HEMK2: variants seen among roughly 807,000 people sequenced by gnomAD.
The protein encoded by HEMK2 is methyltransferase HEMK2.
chr21:28,643,212 G>A, the HEMK2 span, among the ~76,000 whole-genome samples: 1,055 of 152,282 alleles, frequency 6.9e-3, 47 homozygotes, highest in Admixed American at 0.063. Context: ...GAATGTTTGC[G>A]TACCTTCAAA....
At chr21:28,602,910 T>G in the HEMK2 span, among the ~76,000 whole-genome samples, 2 of 152,192 alleles carry the variant, frequency 1.3e-5, no homozygotes, top group African/African-American at 4.8e-5. Context: ...TAGACCTCCT[T>G]GTATCCCTTT....
the HEMK2 span, among the ~76,000 whole-genome samples, chr21:28,863,408 TTTTATATATATATATATATATA>T: frequency 3.0e-5 from 2 of 65,814 alleles, no homozygotes; most frequent in Non-Finnish European, 4.9e-5. Flanking sequence ...ATAAACTCCC[TTTTATATATATATATATATATA>T]TATATATATA....
chr21:28,626,771 A>G, the HEMK2 span: 1 of 152,248 alleles, frequency 6.6e-6, no homozygotes, highest in Non-Finnish European at 1.5e-5. Flanking sequence ...GCCAACAAGT[A>G]CATGAAAAGA....
chr21:28,650,590 G>A, the HEMK2 span, among the ~76,000 whole-genome samples: 1 of 152,134 alleles, frequency 6.6e-6, no homozygotes, highest in Non-Finnish European at 1.5e-5. Flanking sequence ...GGCAATGGGG[G>A]AATGGAAGTA....
the HEMK2 span, among the ~76,000 whole-genome samples, chr21:28,831,574 A>AGAAAGAAG: frequency 3.4e-4 from 14 of 40,856 alleles, no homozygotes; most frequent in South Asian, 6.9e-4. Context: ...AAGGAAAGAA[A>AGAAAGAAG]GAAAGAAGGA....
At chr21:28,647,868 A>C in the HEMK2 span, among the ~76,000 whole-genome samples, 1 of 152,240 alleles carries the variant, frequency 6.6e-6, no homozygotes, top group Non-Finnish European at 1.5e-5. Context: ...GGGCAAGAAC[A>C]AGAGGGAGTG....
the HEMK2 span, chr21:28,882,206 G>A: frequency 3.7e-6 from 6 of 1,603,810 alleles, no homozygotes; most frequent in African/African-American, 6.7e-5. Context: ...ACAGCGTGCT[G>A]TCTCTAGGGT....
the HEMK2 span, among the ~76,000 whole-genome samples, chr21:28,699,262 A>G: frequency 1.3e-5 from 2 of 152,234 alleles, no homozygotes; most frequent in Non-Finnish European, 2.9e-5. Flanking sequence ...TTTATAAACA[A>G]CAGAACTTAT....
the HEMK2 span, among the ~76,000 whole-genome samples, chr21:28,841,269 AT>A: frequency 4.3e-4 from 2 of 4,644 alleles, 1 homozygote; most frequent in African/African-American, 3.2e-3. Flanking sequence ...TATAATATAT[AT>A]TATATATTAT....
chr21:28,623,849 G>A, the HEMK2 span, among the ~76,000 whole-genome samples: 1 of 152,152 alleles, frequency 6.6e-6, no homozygotes, highest in African/African-American at 2.4e-5. Flanking sequence ...TAAGGGGCTA[G>A]GAGAGGGATA....
the HEMK2 span, among the ~76,000 whole-genome samples, chr21:28,704,411 T>A: frequency 6.6e-6 from 1 of 152,130 alleles, no homozygotes; most frequent in East Asian, 1.9e-4. Context: ...TTTTTTTACG[T>A]CCTGGTAGAA....
At chr21:28,814,324 AG>A in the HEMK2 span, among the ~76,000 whole-genome samples, 151,954 of 151,954 alleles carry the variant, frequency 1, 75,977 homozygotes, top group Non-Finnish European at 1. Context: ...GGCATGAGCA[AG>A]GGACTTCATG....
At chr21:28,880,323 A>G in the HEMK2 span, among the ~76,000 whole-genome samples, 4 of 152,216 alleles carry the variant, frequency 2.6e-5, no homozygotes, top group Non-Finnish European at 5.9e-5. Flanking sequence ...AATTTTTCCG[A>G]TATCTGTACA....
the HEMK2 span, among the ~76,000 whole-genome samples, chr21:28,626,107 C>T: frequency 7.6e-4 from 115 of 151,616 alleles, 1 homozygote; most frequent in African/African-American, 2.7e-3. Context: ...TTATAATTTC[C>T]TTAAAAGACA....
At chr21:28,771,513 G>GCAC in the HEMK2 span, among the ~76,000 whole-genome samples, 26 of 104,190 alleles carry the variant, frequency 2.5e-4, no homozygotes, top group African/African-American at 1.1e-3. Context: ...TGCACAAGAT[G>GCAC]CACCACCCCC....
At chr21:28,778,951 T>C in the HEMK2 span, among the ~76,000 whole-genome samples, 1 of 152,188 alleles carries the variant, frequency 6.6e-6, no homozygotes, top group Non-Finnish European at 1.5e-5. Context: ...TCCAACTTAA[T>C]CGATTTTTCC....
chr21:28,849,979 G>C, the HEMK2 span, among the ~76,000 whole-genome samples: 2 of 152,124 alleles, frequency 1.3e-5, no homozygotes, highest in Admixed American at 1.3e-4. Context: ...AACCTAACTA[G>C]AGAGGAAACA....
the HEMK2 span, chr21:28,882,018 G>C: frequency 2.0e-6 from 1 of 500,336 alleles, no homozygotes; most frequent in Admixed American, 4.1e-5. Flanking sequence ...GGAAAAGGTG[G>C]ATTACATCAA....
At chr21:28,647,508 C>CAAAAAAA in the HEMK2 span, among the ~76,000 whole-genome samples, 2 of 111,844 alleles carry the variant, frequency 1.8e-5, no homozygotes, top group African/African-American at 3.6e-5. Context: ...AACTCCATCT[C>CAAAAAAA]AAAAAAAAAA....
Sources: gnomAD v4.1 joint callset for allele counts (sites outside exome capture counted in the v4.1 genomes callset) on GRCh38, gnomAD v4.1.1 for gene constraint, MANE v1.5 for transcripts, NCBI Gene and HGNC (gene_info 2026-07-23, HGNC 2026-07-21) for gene names.